Variants in HDAC9 observed in about 807,000 individuals in gnomAD.
The protein encoded by HDAC9 is histone deacetylase 9, also known as MEF-2 interacting transcription repressor (MITR) protein.
In HDAC9, 41 loss-of-function variants were observed where a neutral mutation model predicts 139.4. The observed-to-expected ratio is 0.29, with a 90% confidence interval of 0.23 to 0.38. The LOEUF (loss-of-function observed/expected upper bound fraction) is 0.38, where lower values mean the gene tolerates loss of function less well. Among genes scored for constraint, HDAC9 ranks in the 10% least tolerant of loss-of-function variants. HDAC9 has a pLI of 1.00. For missense variants in HDAC9, 1,147 were observed against 1,297.0 expected, an observed-to-expected ratio of 0.88 and a Z score of 1.78; for synonymous variants, 517 against 476.2, an observed-to-expected ratio of 1.09 and a Z score of -1.12.
At chr7:18,691,445 A>C (rs1047244570) in intron 12 of HDAC9, among the ~76,000 whole-genome samples, 27 of 152,028 alleles carry the variant, frequency 1.8e-4, no homozygotes, top group East Asian at 5.8e-4. Flanking sequence ...CGTAAGCAGT[A>C]TAAAACTAAA....
chr7:18,265,391 A>T (rs1795930700), intron 2 of HDAC9, among the ~76,000 whole-genome samples: 2 of 152,200 alleles, frequency 1.3e-5, no homozygotes, highest in South Asian at 4.1e-4. Flanking sequence ...TAGGTTCAAA[A>T]TCAGCCATTT....
chr7:18,232,011 C>T (rs1045337439), intron 2 of HDAC9, among the ~76,000 whole-genome samples: 9 of 152,040 alleles, frequency 5.9e-5, no homozygotes, highest in African/African-American at 4.8e-5. Context: ...TAATTTCCAT[C>T]GAAGGTAAAA....
chr7:18,354,557 A>G (rs17347173), intron 1 of HDAC9, among the ~76,000 whole-genome samples: 24 of 152,156 alleles, frequency 1.6e-4, no homozygotes, highest in Non-Finnish European at 2.9e-4. Context: ...TTGATTCTCT[A>G]CTGGTTTTGA....
intron 22 of HDAC9, among the ~76,000 whole-genome samples, chr7:18,890,230 TAAC>T (rs1449608159): frequency 6.6e-6 from 1 of 152,260 alleles, no homozygotes; most frequent in Non-Finnish European, 1.5e-5. Context: ...CTCTGGATTA[TAAC>T]ATCTTTAATG....
intron 19 of HDAC9, among the ~76,000 whole-genome samples, chr7:18,833,087 A>G (rs1221446241): frequency 6.6e-6 from 1 of 152,238 alleles, no homozygotes; most frequent in African/African-American, 2.4e-5. Context: ...CCCCCAAACA[A>G]AAGACATAAT....
chr7:18,336,811 C>T (rs1228390644), intron 1 of HDAC9, among the ~76,000 whole-genome samples: 1 of 151,370 alleles, frequency 6.6e-6, no homozygotes, highest in African/African-American at 2.4e-5. Flanking sequence ...AGTGTCATAC[C>T]ATGTACTGTC....
chr7:18,143,326 G>A (rs768481111), intron 1 of HDAC9, among the ~76,000 whole-genome samples: 2 of 152,118 alleles, frequency 1.3e-5, no homozygotes, highest in Non-Finnish European at 2.9e-5. Context: ...ACTACATTAA[G>A]ACATTTTTAA....
chr7:18,658,909 A>AAAC (rs1554312178), intron 11 of HDAC9, among the ~76,000 whole-genome samples: 8 of 150,598 alleles, frequency 5.3e-5, no homozygotes, highest in African/African-American at 2.0e-4. Flanking sequence ...CAAAAAAAAA[A>AAAC]AAAACAAAAC....
chr7:18,412,265 G>GT (rs1185216567), intron 1 of HDAC9, among the ~76,000 whole-genome samples: 1 of 152,062 alleles, frequency 6.6e-6, no homozygotes, highest in Non-Finnish European at 1.5e-5. Context: ...ATAAGGATTT[G>GT]TTTTTTCTTG....
rs186075195 is a variant in HDAC9 at position 18,981,023 on chromosome 7, T to C, written c.3170+5070T>C. On this transcript the variant is annotated intron_variant, in intron 25 of 25. Transcript: ENST00000686413. ...TGTATTTTTAGTAGAGATGGGGTTT[T>C]ACCGTGTTAGTCAGATGGTCTCAAT... 4.7e-3 allele frequency among the ~76,000 whole-genome samples: 722 copies of C among 152,046 alleles called. 5 individuals are homozygous for C. Among genetic ancestry groups the C allele is most frequent in the Middle Eastern group, 0.031 (9 of 294 alleles).
chr7:18,159,849 G>A (rs1375537359), intron 1 of HDAC9, among the ~76,000 whole-genome samples: 2 of 152,112 alleles, frequency 1.3e-5, no homozygotes, highest in Non-Finnish European at 2.9e-5. Flanking sequence ...GTCATGTGGA[G>A]GCAGTTATTA....
At chr7:18,968,371 G>C (rs544879361) in intron 24 of HDAC9, among the ~76,000 whole-genome samples, 1 of 152,266 alleles carries the variant, frequency 6.6e-6, no homozygotes, top group South Asian at 2.1e-4. Context: ...ATGTATGAAA[G>C]AGTAACTGCT....
intron 1 of HDAC9, among the ~76,000 whole-genome samples, chr7:18,294,104 A>G (rs1797990627): frequency 6.6e-6 from 1 of 152,140 alleles, no homozygotes; most frequent in African/African-American, 2.4e-5. Flanking sequence ...CCAGAAATCA[A>G]TAATCACAGT....
intron 2 of HDAC9, among the ~76,000 whole-genome samples, chr7:18,569,293 T>C (rs1823482839): frequency 6.6e-6 from 1 of 152,196 alleles, no homozygotes; most frequent in Non-Finnish European, 1.5e-5. Flanking sequence ...TCATATATTT[T>C]TATGTCACAA....
chr7:18,459,372 A>G (rs191875150), intron 1 of HDAC9, among the ~76,000 whole-genome samples: 1 of 152,358 alleles, frequency 6.6e-6, no homozygotes, highest in East Asian at 1.9e-4. Context: ...GCATAAAATT[A>G]TATTAAACTG....
intron 8 of HDAC9, among the ~76,000 whole-genome samples, chr7:18,635,169 G>C (rs1783503538): frequency 6.6e-6 from 1 of 151,654 alleles, no homozygotes; most frequent in African/African-American, 2.4e-5. Context: ...CTTGGTTATT[G>C]GTTGTGCCGA....
intron 25 of HDAC9, among the ~76,000 whole-genome samples, chr7:18,977,848 A>T (rs946173632): frequency 6.6e-6 from 1 of 151,884 alleles, no homozygotes; most frequent in Non-Finnish European, 1.5e-5. Context: ...GAGGAAAAGA[A>T]GAATTCTTCT....
chr7:18,541,604 CATA>C (rs1309785371), intron 2 of HDAC9, among the ~76,000 whole-genome samples: 12 of 152,226 alleles, frequency 7.9e-5, no homozygotes, highest in Non-Finnish European at 1.8e-4. Flanking sequence ...TGGTGACAAA[CATA>C]ATAATTAATT....
At chr7:18,321,399 A>T in intron 1 of HDAC9, among the ~76,000 whole-genome samples, 1 of 152,200 alleles carries the variant, frequency 6.6e-6, no homozygotes. Flanking sequence ...CACAAGAGAA[A>T]GGAAAAAGGT....
Sources: allele counts gnomAD v4.1 joint callset (sites outside exome capture counted in the v4.1 genomes callset), GRCh38; gene constraint gnomAD v4.1.1; transcripts MANE v1.5; gene names NCBI Gene and HGNC (gene_info 2026-07-23, HGNC 2026-07-21).